CTNNA2: variants seen among roughly 807,000 people sequenced by gnomAD.
CTNNA2 encodes the protein catenin alpha 2, also known as catenin alpha-2.
A neutral mutation model predicts 101.0 loss-of-function variants in CTNNA2; 42 were observed. The observed-to-expected ratio is 0.42, with a 90% CI of 0.32 to 0.54. The LOEUF (loss-of-function observed/expected upper bound fraction) is 0.54. CTNNA2 is among the 20% of genes least tolerant of loss of function. The pLI is 0.14. For missense variants in CTNNA2, 871 were observed against 1,223.1 expected, an observed-to-expected ratio of 0.71 and a Z score of 4.29; for synonymous variants, 450 against 456.4, an observed-to-expected ratio of 0.99 and a Z score of 0.18.
chr2:80,214,036 C>T (rs1468053385), intron 7 of CTNNA2, among the ~76,000 whole-genome samples: 1 of 151,950 alleles, frequency 6.6e-6, no homozygotes, highest in Non-Finnish European at 1.5e-5. Context: ...AGGATTGCAA[C>T]CCCTGCTTGT....
intron 7 of CTNNA2, among the ~76,000 whole-genome samples, chr2:80,065,391 G>C (rs2148766038): frequency 1.4e-5 from 2 of 147,070 alleles, no homozygotes; most frequent in East Asian, 4.0e-4. Context: ...ATGGAGTCTT[G>C]CTCTGTCACC....
intron 6 of CTNNA2, among the ~76,000 whole-genome samples, chr2:79,894,080 C>CCTCCTT (rs1298215645): frequency 6.9e-6 from 1 of 145,582 alleles, no homozygotes; most frequent in African/African-American, 2.5e-5. Context: ...TCCTCCTCCT[C>CCTCCTT]CTTCTTCTTC....
At chr2:79,850,956 C>T (rs1680653987) in intron 3 of CTNNA2, among the ~76,000 whole-genome samples, 1 of 152,200 alleles carries the variant, frequency 6.6e-6, no homozygotes, top group African/African-American at 2.4e-5. Flanking sequence ...CACCCTGCTA[C>T]ACCACCCCCT....
At chr2:79,806,332 G>A (rs868784739) in intron 3 of CTNNA2, among the ~76,000 whole-genome samples, 14 of 152,154 alleles carry the variant, frequency 9.2e-5, no homozygotes, top group African/African-American at 3.4e-4. Flanking sequence ...CTTAGAGGAC[G>A]TTTTGAAGGT....
chr2:80,504,659 C>G (rs1310458565), intron 9 of CTNNA2, among the ~76,000 whole-genome samples: 1 of 152,156 alleles, frequency 6.6e-6, no homozygotes, highest in Admixed American at 6.5e-5. Flanking sequence ...GTGGGGAACT[C>G]TCTCTAGGTC....
At chr2:79,357,390 G>T (rs1292322349) in intron 3 of CTNNA2, among the ~76,000 whole-genome samples, 1 of 152,140 alleles carries the variant, frequency 6.6e-6, no homozygotes, top group African/African-American at 2.4e-5. Flanking sequence ...TGAAAATACA[G>T]TTATTAAACT....
intron 3 of CTNNA2, among the ~76,000 whole-genome samples, chr2:79,318,461 C>T (rs1169421725): frequency 2.0e-5 from 3 of 152,188 alleles, no homozygotes; most frequent in African/African-American, 7.2e-5. Flanking sequence ...TTCCAGTTCA[C>T]TTTGAATTAA....
At chr2:80,205,136 C>T (rs557156994) in intron 7 of CTNNA2, among the ~76,000 whole-genome samples, 1 of 152,152 alleles carries the variant, frequency 6.6e-6, no homozygotes, top group Non-Finnish European at 1.5e-5. Context: ...TTAACCATAT[C>T]ATACACTCAG....
chr2:79,715,558 AG>A (rs1266269869), intron 2 of CTNNA2, among the ~76,000 whole-genome samples: 1 of 152,160 alleles, frequency 6.6e-6, no homozygotes, highest in African/African-American at 2.4e-5. Context: ...CTCAAACCAC[AG>A]TATACATATA....
intron 7 of CTNNA2, among the ~76,000 whole-genome samples, chr2:80,392,711 G>C (rs1414062359): frequency 2.0e-5 from 3 of 152,070 alleles, no homozygotes; most frequent in African/African-American, 7.2e-5. Context: ...GTATTTTCTA[G>C]TAAAGCATCT....
At chr2:79,315,093 C>A (rs994355701) in intron 3 of CTNNA2, among the ~76,000 whole-genome samples, 5 of 152,090 alleles carry the variant, frequency 3.3e-5, no homozygotes, top group Non-Finnish European at 7.4e-5. Context: ...CTAGGGCTCT[C>A]CTTCCCTCTT....
At chr2:80,205,282 A>T (rs969117879) in intron 7 of CTNNA2, among the ~76,000 whole-genome samples, 1 of 152,202 alleles carries the variant, frequency 6.6e-6, no homozygotes, top group Non-Finnish European at 1.5e-5. Context: ...GAAAAAGAAA[A>T]AAAACCATAC....
At chr2:79,990,234 C>T (rs1454445335) in intron 7 of CTNNA2, among the ~76,000 whole-genome samples, 1 of 152,130 alleles carries the variant, frequency 6.6e-6, no homozygotes, top group Non-Finnish European at 1.5e-5. Flanking sequence ...CTGCAGAATC[C>T]GTCCTGAAGG....
chr2:79,360,767 G>C (rs548066842), intron 3 of CTNNA2, among the ~76,000 whole-genome samples: 121 of 152,278 alleles, frequency 7.9e-4, no homozygotes, highest in Non-Finnish European at 1.3e-3. Context: ...ATCCTGACTA[G>C]TTGTCCAATC....
intron 6 of CTNNA2, among the ~76,000 whole-genome samples, chr2:79,902,078 G>A (rs1335791638): frequency 6.6e-6 from 1 of 152,144 alleles, no homozygotes; most frequent in East Asian, 1.9e-4. Flanking sequence ...TTTTATTCCT[G>A]GTGATTATTT....
At chr2:80,641,436 T>C (rs1166041540) in intron 18 of CTNNA2, among the ~76,000 whole-genome samples, 2 of 152,300 alleles carry the variant, frequency 1.3e-5, no homozygotes, top group Middle Eastern at 3.4e-3. Flanking sequence ...ATTGTAAATA[T>C]ATGAATTCAG....
At chr2:79,200,757 A>G (rs1183523671) in intron 2 of CTNNA2, among the ~76,000 whole-genome samples, 1 of 152,234 alleles carries the variant, frequency 6.6e-6, no homozygotes, top group Non-Finnish European at 1.5e-5. Context: ...ACACACAGGC[A>G]CACATACACA....
At chr2:80,310,122 T>TA (rs1320400323) in intron 7 of CTNNA2, among the ~76,000 whole-genome samples, 1 of 152,188 alleles carries the variant, frequency 6.6e-6, no homozygotes, top group African/African-American at 2.4e-5. Flanking sequence ...AAAACCCAGA[T>TA]ATCATTGATT....
intron 7 of CTNNA2, among the ~76,000 whole-genome samples, chr2:80,224,412 G>A (rs1233689631): frequency 6.6e-6 from 1 of 152,080 alleles, no homozygotes; most frequent in Non-Finnish European, 1.5e-5. Context: ...TGTCAATTCA[G>A]TCAGTCCTCT....
Sources: gnomAD v4.1 joint callset for allele counts (sites outside exome capture counted in the v4.1 genomes callset) on GRCh38, gnomAD v4.1.1 for gene constraint, MANE v1.5 for transcripts, NCBI Gene and HGNC (gene_info 2026-07-23, HGNC 2026-07-21) for gene names.